Variants in HNF4G observed in about 807,000 individuals in gnomAD.
HNF4G encodes hepatocyte nuclear factor 4-gamma.
In HNF4G, 21 loss-of-function variants were observed where a neutral mutation model predicts 50.9. The ratio of observed to expected loss-of-function variants is 0.41; its 90% confidence interval spans 0.29 to 0.59. The LOEUF is 0.59. Among genes scored for constraint, HNF4G ranks in the 20% least tolerant of loss-of-function variants. The pLI is 0.26. For missense variants in HNF4G, 527 were observed against 559.4 expected, an observed-to-expected ratio of 0.94 and a Z score of 0.58; for synonymous variants, 198 against 185.6, an observed-to-expected ratio of 1.07 and a Z score of -0.54.
intron 1 of HNF4G, among the ~76,000 whole-genome samples, 196 bp downstream of exon 1, chr8:75,540,276 A>G (rs1206236567): frequency 6.6e-6 from 1 of 152,116 alleles, no homozygotes; most frequent in Non-Finnish European, 1.5e-5. Context: ...TTTGTGTTAG[A>G]GGTAGAAAAA....
chr8:75,531,738 G>C (rs1176528605), intron 2 of HNF4G, among the ~76,000 whole-genome samples: 1 of 151,746 alleles, frequency 6.6e-6, no homozygotes, highest in Non-Finnish European at 1.5e-5. Flanking sequence ...CATTGTATTA[G>C]GTACTCTAAA....
rs935873183 is a variant in HNF4G at position 75,524,334 on chromosome 8, C to T, written c.-23-19477C>T. ...GGAGGCATATAAATGGAAACTTTAGCCAACAATTCAAAACATTCTACTGTT... is the reference window on the plus strand; with the variant it reads ...GGAGGCATATAAATGGAAACTTTAGTCAACAATTCAAAACATTCTACTGTT... On this transcript the variant is annotated intron_variant, in intron 2 of 10. Coordinates refer to the HNF4G transcript ENST00000354370. Among the ~76,000 whole-genome samples the T allele has an allele frequency of 2.6e-5, 4 of 152,190 alleles. 1 individual carries two copies.
intron 2 of HNF4G, among the ~76,000 whole-genome samples, chr8:75,518,792 C>T (rs900969843): frequency 2.6e-5 from 4 of 151,982 alleles, no homozygotes; most frequent in Non-Finnish European, 5.9e-5. Flanking sequence ...GGGACTGCCA[C>T]GAAGATCTCT....
intron 2 of HNF4G, among the ~76,000 whole-genome samples, chr8:75,492,580 TGCACATA>T (rs1293835211): frequency 6.6e-6 from 1 of 152,190 alleles, no homozygotes; most frequent in African/African-American, 2.4e-5. Flanking sequence ...ACATAACACT[TGCACATA>T]ATTTATCTCA....
At chr8:75,559,516 C>T (rs1432835681) in intron 8 of HNF4G, among the ~76,000 whole-genome samples, 1 of 152,044 alleles carries the variant, frequency 6.6e-6, no homozygotes, top group Non-Finnish European at 1.5e-5. Flanking sequence ...TTGTGATCTG[C>T]CAGCCTCGGC....
chr8:75,457,054 G>C (rs139786895), intron 1 of HNF4G, among the ~76,000 whole-genome samples: 50 of 152,266 alleles, frequency 3.3e-4, no homozygotes, highest in African/African-American at 1.1e-3. Context: ...ATTTTAACTA[G>C]TTAATTTGGT....
chr8:75,532,407 AAAT>A (rs1806352811), intron 2 of HNF4G, among the ~76,000 whole-genome samples: 1 of 152,092 alleles, frequency 6.6e-6, no homozygotes, highest in Non-Finnish European at 1.5e-5. Context: ...AGATTAAGGG[AAAT>A]GATCTTAATA....
chr8:75,461,127 C>T (rs954105640), intron 1 of HNF4G, among the ~76,000 whole-genome samples: 2 of 152,108 alleles, frequency 1.3e-5, no homozygotes, highest in Non-Finnish European at 2.9e-5. Flanking sequence ...TTTCTGCTGT[C>T]ACAAATTACC....
At chr8:75,520,416 G>A (rs543433715) in intron 2 of HNF4G, among the ~76,000 whole-genome samples, 289 of 150,308 alleles carry the variant, frequency 1.9e-3, no homozygotes, top group Middle Eastern at 0.011. Flanking sequence ...TTTCTTTCTC[G>A]TTCTTTCTTT....
rs184468370 is a variant in HNF4G at position 75,413,977 on chromosome 8, G to T, written c.-144+5815G>T. Among the ~76,000 whole-genome samples, 587 of 152,302 alleles carry T rather than the reference G, an allele frequency of 3.9e-3. 5 individuals carry two copies. Among genetic ancestry groups the T allele is most frequent in the African/African-American group, 0.013 (540 of 41,572 alleles). ...ACTCACTTTTCCTGGAGTAGGTTAA[G>T]AAATTAAATATAAATTCTTTATTTT... On this transcript the variant is annotated intron_variant, in intron 1 of 10. Coordinates refer to the HNF4G transcript ENST00000354370.
rs74808423 is a variant in HNF4G, at chr8:75,454,739, T to C, written c.-143-35350T>C. Among the ~76,000 whole-genome samples, 1,141 of 152,306 alleles carry C rather than the reference T, an allele frequency of 7.5e-3. 10 individuals carry two copies. Among genetic ancestry groups the C allele is most frequent in the African/African-American group, 0.026 (1,067 of 41,566 alleles). ...CACTCTATCACCTCATCCTTCTTCA[T>C]TTCTCTTCATTAAGCAGTCACTGAC... On this transcript the variant is annotated intron_variant, in intron 1 of 10. Transcript: ENST00000354370.
intron 2 of HNF4G, among the ~76,000 whole-genome samples, chr8:75,497,587 G>A (rs555414479): frequency 6.6e-6 from 1 of 152,036 alleles, no homozygotes; most frequent in East Asian, 1.9e-4. Flanking sequence ...GGGAGGCTGA[G>A]GCAGGAGAAT....
intron 1 of HNF4G, among the ~76,000 whole-genome samples, chr8:75,439,432 T>G (rs191010949): frequency 1.2e-3 from 180 of 152,152 alleles, no homozygotes; most frequent in African/African-American, 4.2e-3. Context: ...ATGTGCAGTA[T>G]CAAGATCTTC....
chr8:75,449,767 A>G (rs1165727556), intron 1 of HNF4G, among the ~76,000 whole-genome samples: 1 of 152,064 alleles, frequency 6.6e-6, no homozygotes, highest in East Asian at 1.9e-4. Context: ...TTGGCCTCCC[A>G]AAGTGCTGGG....
intron 1 of HNF4G, among the ~76,000 whole-genome samples, chr8:75,488,930 C>G (rs1812557620): frequency 6.6e-6 from 1 of 152,086 alleles, no homozygotes; most frequent in South Asian, 2.1e-4. Context: ...ACAAAATGCT[C>G]ACAAAACTAA....
upstream of HNF4G, among the ~76,000 whole-genome samples, chr8:75,536,610 C>G (rs918273531): frequency 6.6e-6 from 1 of 151,752 alleles, no homozygotes; most frequent in African/African-American, 2.4e-5. Flanking sequence ...TAAAAAAAAC[C>G]GGTAACTGTT....
At chr8:75,474,728 C>T (rs753864106) in intron 1 of HNF4G, among the ~76,000 whole-genome samples, 14 of 151,718 alleles carry the variant, frequency 9.2e-5, no homozygotes, top group African/African-American at 2.4e-4. Context: ...TATTTTTTGT[C>T]GCTCTGTTGC....
intron 2 of HNF4G, among the ~76,000 whole-genome samples, chr8:75,496,451 T>G (rs1454361565): frequency 6.6e-6 from 1 of 152,068 alleles, no homozygotes; most frequent in East Asian, 1.9e-4. Flanking sequence ...CTGTCAAACC[T>G]TAACTGCTCA....
chr8:75,486,993 G>C (rs752696044), intron 1 of HNF4G, among the ~76,000 whole-genome samples: 1 of 152,160 alleles, frequency 6.6e-6, no homozygotes, highest in East Asian at 1.9e-4. Flanking sequence ...GCGACAGAGC[G>C]AGACCCTGTC....
Sources: allele counts gnomAD v4.1 joint callset (sites outside exome capture counted in the v4.1 genomes callset), GRCh38; gene constraint gnomAD v4.1.1; transcripts MANE v1.5; gene names NCBI Gene and HGNC (gene_info 2026-07-23, HGNC 2026-07-21).